ASTN2: variants seen among roughly 807,000 people sequenced by gnomAD.
The protein encoded by ASTN2 is astrotactin-2.
In ASTN2, 54 loss-of-function variants were observed where a neutral mutation model predicts 139.8. That is an observed-to-expected ratio of 0.39 (90% CI 0.31 to 0.48). ASTN2 has a LOEUF of 0.48. Ranked by LOEUF, ASTN2 falls within the 20% of genes least tolerant of loss-of-function variation. The probability of loss-of-function intolerance (pLI) is 0.95; values close to 1 mark genes in which losing one functional copy is unlikely to be tolerated. For missense variants in ASTN2, 1,565 were observed against 1,725.1 expected, an observed-to-expected ratio of 0.91 and a Z score of 1.64; for synonymous variants, 756 against 719.5, an observed-to-expected ratio of 1.05 and a Z score of -0.81.
chr9:117,240,867 T>G (rs191128264), intron 2 of ASTN2, among the ~76,000 whole-genome samples: 2 of 152,264 alleles, frequency 1.3e-5, no homozygotes, highest in Non-Finnish European at 2.9e-5. Context: ...TTTTTCACAC[T>G]CCACACCTTA....
At chr9:117,274,840 G>A (rs1834147956) in intron 2 of ASTN2, among the ~76,000 whole-genome samples, 1 of 152,162 alleles carries the variant, frequency 6.6e-6, no homozygotes, top group African/African-American at 2.4e-5. Flanking sequence ...AATTGGATTA[G>A]GAACTCACTC....
At chr9:116,702,390 C>A (rs1827852885) in intron 16 of ASTN2, among the ~76,000 whole-genome samples, 3 of 152,048 alleles carry the variant, frequency 2.0e-5, no homozygotes, top group Admixed American at 2.0e-4. Flanking sequence ...TGATTAAAAC[C>A]TTTCTCAGGC....
chr9:116,839,246 C>T (rs1418661243), intron 11 of ASTN2, among the ~76,000 whole-genome samples: 2 of 152,014 alleles, frequency 1.3e-5, no homozygotes, highest in African/African-American at 2.4e-5. Flanking sequence ...ATCCTGGGCT[C>T]AAGGGATCCT....
intron 11 of ASTN2, among the ~76,000 whole-genome samples, chr9:116,860,301 C>T (rs1289525965): frequency 1.3e-5 from 2 of 152,174 alleles, no homozygotes; most frequent in East Asian, 1.9e-4. Context: ...ACATTAGATA[C>T]GCTGTGCTCC....
At chr9:116,662,465 C>T (rs986155225) in intron 16 of ASTN2, among the ~76,000 whole-genome samples, 1 of 151,776 alleles carries the variant, frequency 6.6e-6, no homozygotes, top group Non-Finnish European at 1.5e-5. Flanking sequence ...CCCAGATACT[C>T]GGGAGGCTGA....
rs151278272 is a variant in ASTN2 at position 116,442,477 on chromosome 9, G to T, written c.3574C>A (p.Leu1192Met). 165 of 1,613,982 alleles carry T rather than the reference G, an allele frequency of 1.0e-4. No individual in the cohort carries two copies. Among genetic ancestry groups the T allele is most frequent in the Non-Finnish European group, 2.6e-5 (31 of 1,180,040 alleles). ...CCTTCTGCCTTGTTGTCATCTACCAGTGGACAGGCCGTCCTCAGGGTCACC... is the reference window on the plus strand; with the variant it reads ...CCTTCTGCCTTGTTGTCATCTACCATTGGACAGGCCGTCCTCAGGGTCACC... The part of the protein sequence containing the change: ...STVTLRTACP[L>M]VDDNKAEEIA... Residue 1192 changes from leucine (L) to methionine (M), a missense_variant, in exon 21 of 23, where the codon CTG becomes ATG. Leu to Met is a conservative substitution (Grantham distance 15). This residue lies in a region of ASTN2 where 418 missense variants were observed against 465.8 expected (regional missense o/e 0.90). Coordinates refer to ENST00000313400, the MANE Select transcript of ASTN2 (RefSeq NM_001365068.1).
intron 11 of ASTN2, among the ~76,000 whole-genome samples, chr9:116,839,881 A>ATTATTTTTTTT (rs55634992): frequency 7.8e-6 from 1 of 127,982 alleles, no homozygotes; most frequent in African/African-American, 3.0e-5. Context: ...TATTATTATT[A>ATTATTTTTTTT]TTTTTTTTTT....
At chr9:116,619,884 T>G (rs1856043481) in intron 18 of ASTN2, among the ~76,000 whole-genome samples, 1 of 152,044 alleles carries the variant, frequency 6.6e-6, no homozygotes, top group South Asian at 2.1e-4. Context: ...ATCTATCTCC[T>G]CCACTAAATT....
At position 117,036,073 on chromosome 9, in the gene ASTN2, G is replaced by C. The variant is rs116507558; in HGVS notation, c.1423+3746C>G. On this transcript the variant is annotated intron_variant, in intron 6 of 22. Coordinates refer to ENST00000313400, the MANE Select transcript of ASTN2 (RefSeq NM_001365068.1). The stretch of plus-strand genomic sequence containing the variant: ...CTAGGCACTTTATACACATTATAAC[G>C]TTCAATCATCCCATAATAATCCTTA... 2.6e-5 allele frequency among the ~76,000 whole-genome samples: 4 copies of C among 152,094 alleles called. 1 individual carries two copies. Among genetic ancestry groups the C allele is most frequent in the Non-Finnish European group, 5.9e-5 (4 of 68,026 alleles).
At chr9:116,799,597 G>T (rs1830787014) in intron 13 of ASTN2, among the ~76,000 whole-genome samples, 1 of 150,886 alleles carries the variant, frequency 6.6e-6, no homozygotes, top group East Asian at 2.0e-4. Flanking sequence ...TGAGACACCA[G>T]GTTCAATAAT....
At chr9:116,531,373 T>C (rs1007400706) in intron 19 of ASTN2, among the ~76,000 whole-genome samples, 12 of 152,286 alleles carry the variant, frequency 7.9e-5, no homozygotes, top group Middle Eastern at 3.4e-3. Flanking sequence ...ATGTTTACAA[T>C]TTTTTTATTA....
intron 5 of ASTN2, among the ~76,000 whole-genome samples, chr9:117,055,371 C>T (rs1027514026): frequency 3.9e-5 from 6 of 152,096 alleles, no homozygotes; most frequent in Non-Finnish European, 7.4e-5. Context: ...AATCCCAACA[C>T]TTTGGGAGGC....
chr9:117,013,023 C>T (rs141525475), intron 6 of ASTN2, among the ~76,000 whole-genome samples: 145 of 152,260 alleles, frequency 9.5e-4, no homozygotes, highest in African/African-American at 3.4e-3. Flanking sequence ...TCCCCTCCCC[C>T]CATCCCTCAC....
intron 1 of ASTN2, among the ~76,000 whole-genome samples, chr9:117,404,536 TTATAA>T (rs1405686026): frequency 3.3e-5 from 5 of 152,186 alleles, no homozygotes; most frequent in African/African-American, 1.2e-4. Context: ...TTATATAGCA[TTATAA>T]TATATTACGT....
intron 20 of ASTN2, among the ~76,000 whole-genome samples, chr9:116,444,100 ACT>A (rs60162002): frequency 0.34 from 51,298 of 151,786 alleles, 8,999 homozygotes; most frequent in East Asian, 0.5. Context: ...AGGCACTATT[ACT>A]CTCTTTATTT....
At position 116,425,499 on chromosome 9, in the gene ASTN2, T is replaced by A; in HGVS notation, c.*352A>T. ...GGTCCATGGCAGGAAGAAAGCAGAG[T>A]GTGGCAGGAAGAAGGAAGAAGAGCA... On this transcript the variant is annotated 3_prime_UTR_variant, in exon 23 of 23. Transcript: ENST00000313400. 1 of 1,469,618 alleles carries A rather than the reference T, an allele frequency of 6.8e-7. No homozygotes were observed. Among genetic ancestry groups the A allele is most frequent in the Non-Finnish European group, 9.5e-7 (1 of 1,056,874 alleles). The allele number at this position is 1,469,618 out of a possible 1,614,324, so 91.0% of individuals were successfully genotyped here.
intron 7 of ASTN2, among the ~76,000 whole-genome samples, chr9:116,977,503 G>A (rs973272922): frequency 7.3e-5 from 11 of 151,028 alleles, no homozygotes; most frequent in African/African-American, 1.5e-4. Context: ...CATGCCTTAC[G>A]CTTGGTTGCA....
intron 19 of ASTN2, among the ~76,000 whole-genome samples, chr9:116,570,686 C>T (rs945891778): frequency 2.6e-4 from 39 of 152,294 alleles, no homozygotes; most frequent in Admixed American, 3.9e-4. Flanking sequence ...CGTGAGCCAC[C>T]GCGCCCGGCT....
chr9:116,787,321 A>C (rs780306357), intron 13 of ASTN2, among the ~76,000 whole-genome samples: 3 of 152,140 alleles, frequency 2.0e-5, no homozygotes, highest in Non-Finnish European at 4.4e-5. Context: ...TGCAATTGTA[A>C]ATTCTTTCTC....
Sources: gnomAD v4.1 joint callset for allele counts (sites outside exome capture counted in the v4.1 genomes callset) on GRCh38, gnomAD v4.1.1 for gene constraint, gnomAD v4.1.1 regional missense constraint, MANE v1.5 for transcripts, NCBI Gene and HGNC (gene_info 2026-07-23, HGNC 2026-07-21) for gene names.